The following CHCHD6 variants were observed in gnomAD, a reference collection of about 807,000 sequenced individuals.
The protein encoded by CHCHD6 is coiled-coil-helix-coiled-coil-helix domain containing 6.
A neutral mutation model predicts 32.3 loss-of-function variants in CHCHD6; 28 were observed. The ratio of observed to expected loss-of-function variants is 0.87; its 90% CI spans 0.64 to 1.19. The LOEUF (loss-of-function observed/expected upper bound fraction) is 1.19. CHCHD6 is among the 50% of genes most tolerant of loss of function. CHCHD6 has a pLI of 0.00. For missense variants in CHCHD6, 333 were observed against 307.0 expected (o/e 1.08, Z -0.63); for synonymous variants, 122 against 117.5 (o/e 1.04, Z -0.25).
At chr3:126,870,220 C>T (rs957601578) in intron 5 of CHCHD6, among the ~76,000 whole-genome samples, 7 of 152,250 alleles carry the variant, frequency 4.6e-5, no homozygotes, top group African/African-American at 1.7e-4. Context: ...TCAGTCACTT[C>T]TTCCTCCTGA....
chr3:126,926,450 C>T (rs2078325984), intron 6 of CHCHD6, among the ~76,000 whole-genome samples: 1 of 152,220 alleles, frequency 6.6e-6, no homozygotes, highest in South Asian at 2.1e-4. Context: ...GATGGCAGGA[C>T]TAGCTTTGCC....
At chr3:126,898,218 G>C (rs917239835) in intron 5 of CHCHD6, among the ~76,000 whole-genome samples, 3 of 152,246 alleles carry the variant, frequency 2.0e-5, no homozygotes, top group Non-Finnish European at 2.9e-5. Flanking sequence ...AGGTCCCCCT[G>C]CTCTTCCCCA....
chr3:126,907,102 A>G (rs940692593), intron 5 of CHCHD6, among the ~76,000 whole-genome samples: 3 of 152,212 alleles, frequency 2.0e-5, no homozygotes, highest in Admixed American at 1.3e-4. Flanking sequence ...GGTAACAGGT[A>G]AAGGCTGAGA....
At chr3:126,807,787 G>C (rs1023534587) in intron 4 of CHCHD6, among the ~76,000 whole-genome samples, 1 of 152,170 alleles carries the variant, frequency 6.6e-6, no homozygotes, top group African/African-American at 2.4e-5. Flanking sequence ...ATCTCCTGCT[G>C]TATAACAAAT....
intron 7 of CHCHD6, 55 bp downstream of exon 7, chr3:126,957,606 A>G (rs1436789585): frequency 1.3e-6 from 2 of 1,536,284 alleles, no homozygotes; most frequent in Non-Finnish European, 1.8e-6. Flanking sequence ...TAGGCGAGGT[A>G]CCTCTATCTA....
intron 1 of CHCHD6, among the ~76,000 whole-genome samples, chr3:126,715,285 TC>T (rs1446740245): frequency 1.3e-5 from 2 of 152,166 alleles, no homozygotes; most frequent in African/African-American, 4.8e-5. Context: ...CTTCCCACGT[TC>T]CACCTCCCTG....
intron 5 of CHCHD6, among the ~76,000 whole-genome samples, chr3:126,859,275 A>G (rs1161451407): frequency 6.6e-6 from 1 of 152,142 alleles, no homozygotes; most frequent in Non-Finnish European, 1.5e-5. Context: ...GGCCGCATGC[A>G]GGGCTGGTAG....
intron 4 of CHCHD6, among the ~76,000 whole-genome samples, chr3:126,783,618 T>C (rs1030205395): frequency 6.6e-6 from 1 of 152,226 alleles, no homozygotes; most frequent in African/African-American, 2.4e-5. Context: ...GAAATATCAA[T>C]TGCATTTCTA....
chr3:126,758,423 C>G (rs1315266661), intron 4 of CHCHD6, among the ~76,000 whole-genome samples: 1 of 152,192 alleles, frequency 6.6e-6, no homozygotes, highest in Non-Finnish European at 1.5e-5. Flanking sequence ...AAGCATGTTA[C>G]ACTGTGTCTT....
At chr3:126,771,749 C>T (rs1348086160) in intron 4 of CHCHD6, among the ~76,000 whole-genome samples, 2 of 152,158 alleles carry the variant, frequency 1.3e-5, no homozygotes, top group Admixed American at 6.5e-5. Flanking sequence ...GGGGATCTTT[C>T]TAAGTTTTTG....
rs762989438 is a variant in CHCHD6, at chr3:126,727,130, CT to C, written c.141del (p.Thr49HisfsTer12). 1 of 1,614,154 alleles carries C rather than the reference CT, an allele frequency of 6.2e-7. No homozygotes were observed. Among genetic ancestry groups the C allele is most frequent in the Non-Finnish European group, 8.5e-7 (1 of 1,179,984 alleles). ...AAGGAGCCCAGCTCTCCACCCCCTGCTCCCACATCTTCTACCTTTGGCCTTC... is the reference window on the plus strand; with the variant it reads ...AAGGAGCCCAGCTCTCCACCCCCTGCCCCACATCTTCTACCTTTGGCCTTC... ...RMKEPSSPPP[A>X]PTSSTFGLQD... On this transcript the variant is annotated frameshift_variant, in exon 2 of 8. Transcript: ENST00000290913. LOFTEE classifies it high-confidence loss of function.
chr3:126,777,627 T>C (rs886480220), intron 4 of CHCHD6, among the ~76,000 whole-genome samples: 1 of 152,192 alleles, frequency 6.6e-6, no homozygotes, highest in Non-Finnish European at 1.5e-5. Context: ...CTTCCCACTC[T>C]GGGGCTCAGC....
chr3:126,704,694 A>T (rs1201309594), intron 1 of CHCHD6, among the ~76,000 whole-genome samples: 1 of 151,978 alleles, frequency 6.6e-6, no homozygotes, highest in East Asian at 1.9e-4. Context: ...CTTAGTTTTT[A>T]CGTTTCTTGA....
intron 4 of CHCHD6, among the ~76,000 whole-genome samples, chr3:126,737,002 T>C (rs1238088414): frequency 1.3e-5 from 2 of 152,150 alleles, no homozygotes; most frequent in African/African-American, 4.8e-5. Context: ...AGGTATGTAA[T>C]AACACAGTAC....
intron 1 of CHCHD6, among the ~76,000 whole-genome samples, chr3:126,708,906 C>T (rs144449393): frequency 6.6e-6 from 1 of 152,142 alleles, no homozygotes; most frequent in Non-Finnish European, 1.5e-5. Flanking sequence ...CGTAGATAGT[C>T]CCCTCTTGGT....
intron 5 of CHCHD6, among the ~76,000 whole-genome samples, chr3:126,898,078 G>T (rs2077866250): frequency 6.6e-6 from 1 of 152,228 alleles, no homozygotes; most frequent in Non-Finnish European, 1.5e-5. Flanking sequence ...TTCTCCATTA[G>T]AGTTTTCACA....
chr3:126,918,393 C>T (rs147646250), intron 6 of CHCHD6, among the ~76,000 whole-genome samples: 5 of 152,344 alleles, frequency 3.3e-5, no homozygotes, highest in African/African-American at 4.8e-5. Flanking sequence ...GTTTGCCAGA[C>T]ACCATGCTAG....
At chr3:126,803,250 A>G (rs1261025406) in intron 4 of CHCHD6, among the ~76,000 whole-genome samples, 1 of 152,238 alleles carries the variant, frequency 6.6e-6, no homozygotes, top group African/African-American at 2.4e-5. Context: ...AAATGTTCCA[A>G]TTAAAAGACA....
chr3:126,882,122 A>G (rs2077618717), intron 5 of CHCHD6, among the ~76,000 whole-genome samples: 1 of 152,176 alleles, frequency 6.6e-6, no homozygotes, highest in Non-Finnish European at 1.5e-5. Context: ...TGTCCTTCTC[A>G]GGGTATGCTT....
Sources: gnomAD v4.1 joint callset for allele counts (sites outside exome capture counted in the v4.1 genomes callset) on GRCh38, gnomAD v4.1.1 for gene constraint, MANE v1.5 for transcripts, NCBI Gene and HGNC (gene_info 2026-07-23, HGNC 2026-07-21) for gene names.